The following COL5A1 variants were observed in gnomAD, a reference collection of about 807,000 sequenced individuals.
COL5A1 encodes collagen type V alpha 1 chain.
A neutral mutation model predicts 263.7 loss-of-function variants in COL5A1; 16 were observed. That is an observed-to-expected ratio of 0.06 (90% CI 0.04 to 0.09). The LOEUF is 0.09. Among genes scored for constraint, COL5A1 ranks in the 10% least tolerant of loss-of-function variants. COL5A1 has a pLI of 1.00. For synonymous variants in COL5A1, 1,012 were observed against 1,004.5 expected (o/e 1.01, Z -0.14); for missense variants, 2,036 against 2,540.5 (o/e 0.80, Z 4.27).
chr9:134,700,189 A>G lies in COL5A1; in HGVS notation c.491+67A>G. On this transcript the variant is annotated intron_variant, in intron 3 of 65. Transcript: ENST00000371817. The surrounding 1 kb of genome is among the most constrained non-coding windows in gnomAD (Gnocchi z 4.0). ...GGGATCAGGCCAGCTCATACCACTG[A>G]CCAGATGTGGGGCACAGTAGAGGAC... 6.8e-7 allele frequency: 1 copy of G among 1,473,044 alleles called. No homozygotes were observed. The allele number at this position is 1,473,044 out of a possible 1,614,324, so 91.2% of individuals were successfully genotyped here. A position where few individuals can be genotyped will look rare whatever the true frequency, so the allele number is the denominator to read the frequency against.
intron 11 of COL5A1, among the ~76,000 whole-genome samples, chr9:134,747,572 C>T (rs974609231): frequency 3.9e-5 from 6 of 152,038 alleles, no homozygotes; most frequent in Admixed American, 3.9e-4. Flanking sequence ...CATGTATTCA[C>T]ACACATGCAT....
In COL5A1 at chr9:134,649,909, C is replaced by T. The variant is rs543607331; in HGVS notation, c.109+7613C>T. On this transcript the variant is annotated intron_variant, in intron 1 of 65. Transcript: ENST00000371817. ...GGACATGGATGAAGCTGGAAATCAT[C>T]ATTCTCAGCAAACTAACACAAGAAC... Among the ~76,000 whole-genome samples, 4 of 152,184 alleles carry T rather than the reference C, an allele frequency of 2.6e-5. No individual in the cohort carries two copies. The East Asian group carries it at 7.7e-4, about 29-fold the overall frequency.
intron 64 of COL5A1, among the ~76,000 whole-genome samples, chr9:134,832,262 T>C (rs1169591419): frequency 6.6e-6 from 1 of 151,982 alleles, no homozygotes; most frequent in Non-Finnish European, 1.5e-5. Flanking sequence ...AAAAATTAGC[T>C]GGGCATAGTG....
At chr9:134,772,991 G>T (rs1025251357) in intron 26 of COL5A1, among the ~76,000 whole-genome samples, 157 bp downstream of exon 26, 10 of 152,114 alleles carry the variant, frequency 6.6e-5, no homozygotes, top group South Asian at 4.2e-4. Flanking sequence ...GACCCAGCCT[G>T]GGGGGGACAC....
intron 4 of COL5A1, among the ~76,000 whole-genome samples, chr9:134,713,071 G>T (rs1288683183): frequency 6.6e-6 from 1 of 152,256 alleles, no homozygotes; most frequent in East Asian, 1.9e-4. Context: ...CCTCTGGGAG[G>T]CTGTGTGTTT....
At chr9:134,713,774 C>CAG (rs1834152192) in intron 4 of COL5A1, among the ~76,000 whole-genome samples, 1 of 152,132 alleles carries the variant, frequency 6.6e-6, no homozygotes, top group Non-Finnish European at 1.5e-5. Flanking sequence ...AGGGTGATCT[C>CAG]AGGTCTGGAA....
intron 1 of COL5A1, among the ~76,000 whole-genome samples, chr9:134,668,224 A>G (rs1832416821): frequency 6.6e-6 from 1 of 152,228 alleles, no homozygotes; most frequent in Non-Finnish European, 1.5e-5. Context: ...GGTTCAATCT[A>G]ATGCTATAAG....
chr9:134,787,102 C>A (rs1291337503), intron 31 of COL5A1, among the ~76,000 whole-genome samples: 1 of 152,186 alleles, frequency 6.6e-6, no homozygotes, highest in Admixed American at 6.5e-5. Flanking sequence ...AGCTGCTGAC[C>A]GCAGCATCGT....
At chr9:134,788,650 C>G (rs113539141) in intron 31 of COL5A1, among the ~76,000 whole-genome samples, 1,790 of 146,272 alleles carry the variant, frequency 0.012, 49 homozygotes, top group African/African-American at 0.044. Context: ...GATGGATAGA[C>G]AGATAGATGG....
At position 134,805,274 on chromosome 9, in the gene COL5A1, G is replaced by A. The variant is rs1442502007; in HGVS notation, c.3258+60G>A. Reference sequence around the variant, plus strand: ...AATCCTACTCTCCAGGTCAGAAGGGGCAGTCCCCGAGAGCCCAGAGCATGC... The same window carrying A: ...AATCCTACTCTCCAGGTCAGAAGGGACAGTCCCCGAGAGCCCAGAGCATGC... On this transcript the variant is annotated intron_variant, in intron 41 of 65. Transcript: ENST00000371817. 6 of 1,590,918 alleles carry A rather than the reference G, an allele frequency of 3.8e-6. No individual in the cohort carries two copies. The East Asian group carries it at 1.3e-4, about 36-fold the overall frequency.
chr9:134,752,093 A>G (rs1345518951), intron 13 of COL5A1, among the ~76,000 whole-genome samples: 3 of 152,206 alleles, frequency 2.0e-5, no homozygotes, highest in Admixed American at 1.3e-4. Context: ...GGTGGGGGCC[A>G]CATGCAGAGG....
chr9:134,790,014 G>A (rs1302583103), intron 32 of COL5A1, among the ~76,000 whole-genome samples: 2 of 152,132 alleles, frequency 1.3e-5, no homozygotes, highest in African/African-American at 2.4e-5. Context: ...CATGCTCCCC[G>A]AAAGATGGCA....
chr9:134,645,071 G>A (rs1006755079), intron 1 of COL5A1, among the ~76,000 whole-genome samples: 1 of 152,152 alleles, frequency 6.6e-6, no homozygotes, highest in African/African-American at 2.4e-5. Flanking sequence ...CAGATTTGCC[G>A]GAGGGGTTGG....
intron 59 of COL5A1, 87 bp from the exon 60 acceptor site, chr9:134,822,911 G>A: frequency 6.7e-7 from 1 of 1,494,340 alleles, no homozygotes. Flanking sequence ...GGGGCGAGGG[G>A]CGAGACCAGG....
Position 134,824,844 on chromosome 9 carries a change from A to G in COL5A1, c.4943A>G (p.Asp1648Gly), listed in dbSNP as rs746071518. ...AAGGACCTGCAGCTCTGCCACCCCGACTTCCCAGATGGTGAGGGCCTGGGG... is the reference window on the plus strand; with the variant it reads ...AAGGACCTGCAGCTCTGCCACCCCGGCTTCCCAGATGGTGAGGGCCTGGGG... ...TCKDLQLCHP[D>G]FPDGEYWVDP... Residue 1648 changes from aspartate (D) to glycine (G), a missense_variant, in exon 62 of 66, where the codon GAC becomes GGC. Coordinates refer to ENST00000371817, the MANE Select transcript of COL5A1 (RefSeq NM_000093.5). The G allele has an allele frequency of 2.6e-5, 42 of 1,612,390 alleles. No homozygotes were observed. The highest frequency in any genetic ancestry group is 3.2e-5 in the Non-Finnish European group (38 of 1,179,700).
chr9:134,804,891 C>A, intron 39 of COL5A1, 84 bp from the exon 40 acceptor site: 1 of 1,197,230 alleles, frequency 8.4e-7, no homozygotes, highest in Non-Finnish European at 1.2e-6. Context: ...AGAGAGAAGG[C>A]CCCAGCCCTT....
chr9:134,690,862 G>A (rs1376830443), intron 1 of COL5A1, 50 bp from the exon 2 acceptor site: 3 of 1,609,996 alleles, frequency 1.9e-6, no homozygotes, highest in East Asian at 2.2e-5. Flanking sequence ...GTGTTCCCAG[G>A]TGCTCCTTTC....
chr9:134,703,547 C>T (rs1588452358), intron 4 of COL5A1, among the ~76,000 whole-genome samples: 2 of 151,952 alleles, frequency 1.3e-5, no homozygotes, highest in African/African-American at 2.4e-5. Flanking sequence ...TGGGCACCTG[C>T]CAGAGTCACC....
intron 1 of COL5A1, among the ~76,000 whole-genome samples, chr9:134,683,212 G>A (rs1832912684): frequency 6.6e-6 from 1 of 152,222 alleles, no homozygotes; most frequent in Non-Finnish European, 1.5e-5. Context: ...CAGTGCTGAG[G>A]CTACAGGTCC....
Sources: allele counts gnomAD v4.1 joint callset (sites outside exome capture counted in the v4.1 genomes callset), GRCh38; gene constraint gnomAD v4.1.1; non-coding constraint Gnocchi (gnomAD v3.1); transcripts MANE v1.5; gene names NCBI Gene and HGNC (gene_info 2026-07-23, HGNC 2026-07-21).